The following CSMD1 variants were observed in gnomAD, a reference collection of about 807,000 sequenced individuals.
CSMD1 encodes the protein CUB and Sushi multiple domains 1.
In CSMD1, 213 loss-of-function variants were observed where a neutral mutation model predicts 417.5. The observed-to-expected ratio is 0.51, with a 90% CI of 0.46 to 0.57. The LOEUF (loss-of-function observed/expected upper bound fraction) is 0.57. Among genes scored for constraint, CSMD1 ranks in the 20% least tolerant of loss-of-function variants. The pLI is 0.00. For synonymous variants in CSMD1, 2,862 were observed against 1,736.8 expected (o/e 1.65, Z -16.11); for missense variants, 6,923 against 4,529.7 (o/e 1.53, Z -15.17).
intron 3 of CSMD1, among the ~76,000 whole-genome samples, chr8:4,063,702 C>T (rs77511416): frequency 1.4e-3 from 215 of 152,304 alleles, no homozygotes; most frequent in African/African-American, 5.0e-3. Context: ...AGGCATGCTA[C>T]CTAAGTAAGG....
chr8:3,804,664 A>G (rs1020135084), intron 5 of CSMD1, among the ~76,000 whole-genome samples: 4 of 152,228 alleles, frequency 2.6e-5, no homozygotes, highest in African/African-American at 7.2e-5. Context: ...TAGAAGTGAA[A>G]GAAAAATTAA....
chr8:4,742,922 T>C (rs1810717646), intron 1 of CSMD1, among the ~76,000 whole-genome samples: 1 of 152,108 alleles, frequency 6.6e-6, no homozygotes, highest in South Asian at 2.1e-4. Context: ...TGAAAATAAA[T>C]TGTAAAAATG....
At chr8:3,670,029 T>C (rs574417759) in intron 7 of CSMD1, among the ~76,000 whole-genome samples, 3 of 152,316 alleles carry the variant, frequency 2.0e-5, no homozygotes, top group East Asian at 3.9e-4. Flanking sequence ...TAAAAGGCAG[T>C]GAAATGTTCC....
chr8:4,056,751 G>C (rs1006930198), intron 3 of CSMD1, among the ~76,000 whole-genome samples: 3 of 151,356 alleles, frequency 2.0e-5, no homozygotes, highest in African/African-American at 7.3e-5. Context: ...CGTTCTCATT[G>C]TTCAATTCCC....
chr8:3,698,287 C>T (rs1451069010), intron 7 of CSMD1, among the ~76,000 whole-genome samples: 1 of 152,166 alleles, frequency 6.6e-6, no homozygotes. Flanking sequence ...TTTTTACAAT[C>T]TACTACATTT....
chr8:4,133,275 A>G (rs1387441829), intron 3 of CSMD1, among the ~76,000 whole-genome samples: 3 of 152,214 alleles, frequency 2.0e-5, no homozygotes, highest in Non-Finnish European at 4.4e-5. Context: ...AGACTTCAAT[A>G]AAACTGATTT....
chr8:4,165,782 C>A lies in CSMD1; in HGVS notation c.416-133683G>T, dbSNP rs565210425. On this transcript the variant is annotated intron_variant, in intron 3 of 69. Transcript: ENST00000635120. ...GGTCATGCCATGAGGTGTTAGCTCA[C>A]GTGTTGTCACTCCAGCCGCATTATG... is the stretch of plus-strand genomic sequence containing the variant. Among the ~76,000 whole-genome samples, 7 of 152,302 alleles carry A rather than the reference C, an allele frequency of 4.6e-5. No homozygotes were observed. The South Asian group carries it at 8.3e-4, about 18-fold the overall frequency.
intron 2 of CSMD1, among the ~76,000 whole-genome samples, chr8:4,616,483 T>C (rs1801481305): frequency 6.6e-6 from 1 of 152,166 alleles, no homozygotes; most frequent in African/African-American, 2.4e-5. Flanking sequence ...ATAAATTATA[T>C]CTCCTGCTCA....
At position 3,118,461 on chromosome 8, in the gene CSMD1, G is replaced by A. The variant is rs927034446; in HGVS notation, c.6368C>T (p.Pro2123Leu). ...GATCCCATGCTGACAAGTGAGGACA[G>A]GATGGCCTATTAGAATGTACCCAGG... ...CYPGYILIGH[P>L]VLTCQHGINR... The change falls in exon 42 of 70, where the codon CCT becomes CTT. Residue 2123 changes from proline (P) to leucine (L), a missense_variant. By Grantham distance (98) the Pro-to-Leu change is moderately conservative. Coordinates refer to ENST00000635120, the MANE Select transcript of CSMD1 (RefSeq NM_033225.6). 1.2e-6 allele frequency: 2 copies of A among 1,613,914 alleles called. No individual in the cohort carries two copies. Among genetic ancestry groups the A allele is most frequent in the Non-Finnish European group, 1.7e-6 (2 of 1,179,822 alleles).
rs180991878 is a variant in CSMD1, at chr8:3,934,261, C to T, written c.818+63642G>A. Among the ~76,000 whole-genome samples, 834 of 152,190 alleles carry T rather than the reference C, an allele frequency of 5.5e-3. 1 individual carries two copies. Among genetic ancestry groups the T allele is most frequent in the Non-Finnish European group, 7.8e-3 (532 of 67,998 alleles). ...ATGAACTTGCTCAGAATAATCATTC[C>T]GCTGTTCTTCATCAATTTAATCTGA... On this transcript the variant is annotated intron_variant, in intron 5 of 69. Transcript: ENST00000635120.
At chr8:2,964,912 C>T (rs1803827896) in intron 59 of CSMD1, among the ~76,000 whole-genome samples, 1 of 152,192 alleles carries the variant, frequency 6.6e-6, no homozygotes, top group Non-Finnish European at 1.5e-5. Flanking sequence ...ATGAAACCTT[C>T]TCCATAAGCT....
intron 1 of CSMD1, among the ~76,000 whole-genome samples, chr8:4,658,268 A>G (rs1016659984): frequency 2.6e-5 from 4 of 152,162 alleles, no homozygotes; most frequent in Admixed American, 6.5e-5. Flanking sequence ...TGTAGGAAGG[A>G]TAAACTCAAA....
chr8:4,580,476 C>T (rs376597647), intron 2 of CSMD1, among the ~76,000 whole-genome samples: 3 of 152,256 alleles, frequency 2.0e-5, no homozygotes, highest in Non-Finnish European at 4.4e-5. Context: ...TGAGGCATAG[C>T]GAAGTTATGG....
intron 1 of CSMD1, among the ~76,000 whole-genome samples, chr8:4,888,507 G>C (rs1303565071): frequency 6.9e-6 from 1 of 144,636 alleles, no homozygotes; most frequent in African/African-American, 2.5e-5. Flanking sequence ...TGATAGATGA[G>C]AGAGAGAGAG....
intron 12 of CSMD1, among the ~76,000 whole-genome samples, chr8:3,439,027 C>A (rs1485630211): frequency 2.9e-5 from 4 of 139,906 alleles, no homozygotes; most frequent in Non-Finnish European, 6.1e-5. Context: ...GAGGCTGAGG[C>A]AGGGAGAATT....
At chr8:3,069,271 C>T (rs977120239) in intron 49 of CSMD1, among the ~76,000 whole-genome samples, 1 of 151,718 alleles carries the variant, frequency 6.6e-6, no homozygotes, top group African/African-American at 2.4e-5. Context: ...CCTGTCGCTA[C>T]TAAAAATACA....
At chr8:3,992,434 G>T (rs557958880) in intron 5 of CSMD1, among the ~76,000 whole-genome samples, 2 of 152,120 alleles carry the variant, frequency 1.3e-5, no homozygotes, top group African/African-American at 4.8e-5. Flanking sequence ...AATAAGTGTT[G>T]AGGTGCATAG....
chr8:4,505,795 T>C (rs1020631703), intron 2 of CSMD1, among the ~76,000 whole-genome samples: 6 of 151,698 alleles, frequency 4.0e-5, no homozygotes, highest in Non-Finnish European at 5.9e-5. Context: ...AGTTCCACAC[T>C]CATGTTCAAT....
intron 7 of CSMD1, among the ~76,000 whole-genome samples, chr8:3,656,068 T>G (rs1368859763): frequency 6.6e-6 from 1 of 152,178 alleles, no homozygotes; most frequent in Non-Finnish European, 1.5e-5. Context: ...TTTCAAATAA[T>G]GCCCAGCACC....
Sources: gnomAD v4.1 joint callset for allele counts (sites outside exome capture counted in the v4.1 genomes callset) on GRCh38, gnomAD v4.1.1 for gene constraint, MANE v1.5 for transcripts, NCBI Gene and HGNC (gene_info 2026-07-23, HGNC 2026-07-21) for gene names.